BTF3L4: variants seen among roughly 807,000 people sequenced by gnomAD.
The protein encoded by BTF3L4 is basic transcription factor 3 like 4.
A neutral mutation model predicts 16.8 loss-of-function variants in BTF3L4; 6 were observed. That is an observed-to-expected ratio of 0.36 (90% CI 0.20 to 0.71). BTF3L4 has a LOEUF of 0.71. Ranked by LOEUF, BTF3L4 falls within the 30% of genes least tolerant of loss-of-function variation. The probability of loss-of-function intolerance (pLI) is 0.58; values close to 1 mark genes in which losing one functional copy is unlikely to be tolerated. For synonymous variants in BTF3L4, 39 were observed against 59.8 expected, an observed-to-expected ratio of 0.65 and a Z score of 1.60; for missense variants, 92 against 186.9, an observed-to-expected ratio of 0.49 and a Z score of 2.96.
chr1:52,076,449 T>C (rs1686935933), intron 3 of BTF3L4, among the ~76,000 whole-genome samples: 1 of 151,758 alleles, frequency 6.6e-6, no homozygotes, highest in Non-Finnish European at 1.5e-5. Flanking sequence ...TGGTGGCGCG[T>C]GACTCTAATC....
At chr1:52,079,208 G>A (rs1215992612) in intron 3 of BTF3L4, among the ~76,000 whole-genome samples, 2 of 151,848 alleles carry the variant, frequency 1.3e-5, no homozygotes, top group South Asian at 2.1e-4. Flanking sequence ...CAGAAGGAAG[G>A]AATGTTAGAA....
intron 2 of BTF3L4, among the ~76,000 whole-genome samples, chr1:52,060,963 T>C (rs1686494006): frequency 6.6e-6 from 1 of 152,208 alleles, no homozygotes; most frequent in Non-Finnish European, 1.5e-5. Context: ...ATTTTAAAAC[T>C]GTGGTTGGTA....
intron 2 of BTF3L4, among the ~76,000 whole-genome samples, chr1:52,064,113 C>G (rs1023015315): frequency 1.4e-4 from 22 of 152,226 alleles, no homozygotes; most frequent in African/African-American, 5.3e-4. Flanking sequence ...TCACTCTGCT[C>G]TAGCCATACT....
intron 2 of BTF3L4, 102 bp downstream of exon 2, chr1:52,060,003 A>G (rs924527934): frequency 2.6e-6 from 3 of 1,139,612 alleles, no homozygotes; most frequent in Non-Finnish European, 3.8e-6. Context: ...CTTTTCAATA[A>G]TCAAGATCAA....
chr1:52,076,311 C>A (rs562883191), intron 3 of BTF3L4, among the ~76,000 whole-genome samples: 9 of 150,082 alleles, frequency 6.0e-5, no homozygotes, highest in African/African-American at 2.2e-4. Flanking sequence ...CGCAGTGGCT[C>A]ACACCTGTAA....
intron 3 of BTF3L4, among the ~76,000 whole-genome samples, chr1:52,079,141 G>A (rs1394103727): frequency 2.0e-5 from 3 of 152,078 alleles, no homozygotes; most frequent in Non-Finnish European, 4.4e-5. Context: ...ACAATTCATC[G>A]TTTGATAGTT....
chr1:52,072,989 C>G (rs537621953), intron 3 of BTF3L4, among the ~76,000 whole-genome samples: 1 of 151,958 alleles, frequency 6.6e-6, no homozygotes, highest in Non-Finnish European at 1.5e-5. Flanking sequence ...ACCTGGGAGG[C>G]GGAGGTTGCA....
At chr1:52,086,589 G>C in intron 5 of BTF3L4, 123 bp from the exon 6 acceptor site, 1 of 570,998 alleles carries the variant, frequency 1.8e-6, no homozygotes, top group South Asian at 2.8e-5. Flanking sequence ...GCCTCCTTAT[G>C]TTTTCAGGCT....
intron 3 of BTF3L4, among the ~76,000 whole-genome samples, chr1:52,068,909 G>A (rs531513157): frequency 2.7e-4 from 41 of 152,264 alleles, no homozygotes; most frequent in African/African-American, 9.6e-4. Flanking sequence ...GAAGGGTTAG[G>A]TGCCTTTCGT....
intron 3 of BTF3L4, 32 bp downstream of exon 3, chr1:52,064,970 T>G: frequency 2.3e-6 from 3 of 1,317,116 alleles, no homozygotes; most frequent in Non-Finnish European, 3.3e-6. Context: ...TTAAATTGTG[T>G]GGGTACATGC....
intron 3 of BTF3L4, among the ~76,000 whole-genome samples, chr1:52,079,305 T>C (rs746470019): frequency 2.0e-4 from 29 of 146,978 alleles, no homozygotes; most frequent in Non-Finnish European, 3.3e-4. Context: ...ATCGCTTGAA[T>C]CCGAGAGGAG....
chr1:52,060,696 GTGTCATTTACACTGA>G, intron 2 of BTF3L4: 2 of 908,642 alleles, frequency 2.2e-6, no homozygotes, highest in Non-Finnish European at 1.4e-6. Flanking sequence ...GGGTCCCACT[GTGTCATTTACACTGA>G]TGATAACCAC....
chr1:52,077,530 C>T (rs1280425433), intron 3 of BTF3L4, among the ~76,000 whole-genome samples: 2 of 152,190 alleles, frequency 1.3e-5, no homozygotes, highest in Non-Finnish European at 2.9e-5. Context: ...TGCACTCTAA[C>T]TTGGGTGACA....
intron 5 of BTF3L4, chr1:52,086,416 T>C: frequency 2.0e-6 from 1 of 488,420 alleles, no homozygotes; most frequent in African/African-American, 2.0e-5. Flanking sequence ...ATTATAAATT[T>C]GCATAGCTAT....
intron 3 of BTF3L4, among the ~76,000 whole-genome samples, chr1:52,071,548 T>A (rs1686786854): frequency 6.6e-6 from 1 of 152,256 alleles, no homozygotes; most frequent in Non-Finnish European, 1.5e-5. Context: ...GCTTAGAACC[T>A]ATTAAATTTA....
chr1:52,076,547 T>G lies in BTF3L4; in HGVS notation c.169-6793T>G, dbSNP rs1334377940. 2.0e-5 allele frequency among the ~76,000 whole-genome samples: 3 copies of G among 148,098 alleles called. No individual in the cohort carries two copies. In the Admixed American group the frequency reaches 2.0e-4, roughly 10 times the overall value. On this transcript the variant is annotated intron_variant, in intron 3 of 5. Coordinates refer to ENST00000313334, the MANE Select transcript of BTF3L4 (RefSeq NM_152265.5). Reference sequence around the variant, plus strand: ...AGCCGGAGGTTGCAGTGAGCCGAGATCGCACCACTGCACTCCAGCCTGGGT... The same window carrying G: ...AGCCGGAGGTTGCAGTGAGCCGAGAGCGCACCACTGCACTCCAGCCTGGGT...
intron 1 of BTF3L4, among the ~76,000 whole-genome samples, chr1:52,059,338 TTTC>T (rs1232552438): frequency 6.6e-6 from 1 of 152,340 alleles, no homozygotes; most frequent in African/African-American, 2.4e-5. Context: ...TTTTGTTGAA[TTTC>T]TTCTTTGTTC....
Position 52,083,327 on chromosome 1 carries a change from T to C in BTF3L4, c.169-13T>C. ...TAGCATGTGAAGTACATTTTTCTTC[T>C]GTGATCATACAGGTGAACATGATTA... On this transcript the variant is annotated splice_polypyrimidine_tract_variant and intron_variant, in intron 3 of 5. Transcript: ENST00000313334. 6.2e-7 allele frequency: 1 copy of C among 1,609,406 alleles called. No individual in the cohort carries two copies. Among genetic ancestry groups the C allele is most frequent in the Non-Finnish European group, 8.5e-7 (1 of 1,176,038 alleles).
chr1:52,080,836 CT>C (rs34697464), intron 3 of BTF3L4, among the ~76,000 whole-genome samples: 60,993 of 83,672 alleles, frequency 0.73, 22,199 homozygotes, highest in South Asian at 0.86. Context: ...GCTCGGCCTT[CT>C]TTTTTTTTTT....
Sources: gnomAD v4.1 joint callset for allele counts (sites outside exome capture counted in the v4.1 genomes callset) on GRCh38, gnomAD v4.1.1 for gene constraint, MANE v1.5 for transcripts, NCBI Gene and HGNC (gene_info 2026-07-23, HGNC 2026-07-21) for gene names.